The following PTPRD variants were observed in gnomAD, a reference collection of about 807,000 sequenced individuals.
PTPRD encodes receptor-type tyrosine-protein phosphatase delta.
In PTPRD, 34 loss-of-function variants were observed where a neutral mutation model predicts 214.5. The observed-to-expected ratio is 0.16, with a 90% CI of 0.12 to 0.21. PTPRD has a LOEUF of 0.21. PTPRD is among the 10% of genes least tolerant of loss of function. The pLI is 1.00. For missense variants in PTPRD, 2,545 were observed against 2,398.7 expected (o/e 1.06, Z -1.27); for synonymous variants, 1,128 against 845.7 (o/e 1.33, Z -5.79).
chr9:8,994,905 G>A (rs973191598), intron 11 of PTPRD, among the ~76,000 whole-genome samples: 1 of 152,032 alleles, frequency 6.6e-6, no homozygotes, highest in African/African-American at 2.4e-5. Flanking sequence ...AAGCTAAAGG[G>A]AACTTTGCAG....
intron 7 of PTPRD, among the ~76,000 whole-genome samples, chr9:9,703,580 C>A (rs569748119): frequency 6.6e-6 from 1 of 152,150 alleles, no homozygotes; most frequent in East Asian, 1.9e-4. Context: ...TTTTGAGAAA[C>A]ATTGATGCAT....
intron 9 of PTPRD, among the ~76,000 whole-genome samples, chr9:9,230,845 A>G (rs2099962674): frequency 6.6e-6 from 1 of 152,194 alleles, no homozygotes; most frequent in Non-Finnish European, 1.5e-5. Flanking sequence ...GCCTGAGATT[A>G]CTATCTTTTG....
chr9:9,536,619 C>T (rs1167932606), intron 8 of PTPRD, among the ~76,000 whole-genome samples: 1 of 151,976 alleles, frequency 6.6e-6, no homozygotes, highest in African/African-American at 2.4e-5. Flanking sequence ...ACGTCCACAG[C>T]CTGAAAGCTT....
intron 7 of PTPRD, among the ~76,000 whole-genome samples, chr9:9,702,068 C>T (rs1272868839): frequency 1.3e-5 from 2 of 151,732 alleles, no homozygotes; most frequent in African/African-American, 4.8e-5. Flanking sequence ...TGCAGTGAGC[C>T]GAGATTGTGC....
chr9:8,885,041 C>T (rs546932855), intron 11 of PTPRD, among the ~76,000 whole-genome samples: 1 of 152,218 alleles, frequency 6.6e-6, no homozygotes, highest in Admixed American at 6.5e-5. Context: ...ATTAGCATGA[C>T]TATGATAGTG....
rs544333505 is a variant in PTPRD at position 10,508,272 on chromosome 9, C to T, written c.-600+104126G>A. 4.6e-5 allele frequency among the ~76,000 whole-genome samples: 7 copies of T among 152,090 alleles called. No homozygotes were observed. In the East Asian group the frequency reaches 5.8e-4, roughly 13 times the overall value. ...TACCATCTCACACCAGTTAGAATGG[C>T]GATCATTAAAAAGTCAGGAAACAAC... On this transcript the variant is annotated intron_variant, in intron 2 of 45. Transcript: ENST00000381196.
At chr9:10,238,684 A>G (rs542567641) in intron 3 of PTPRD, among the ~76,000 whole-genome samples, 1 of 152,140 alleles carries the variant, frequency 6.6e-6, no homozygotes, top group African/African-American at 2.4e-5. Flanking sequence ...TGAAAATCCT[A>G]TCTAAAAATT....
chr9:8,622,657 C>A (rs1252199713), intron 14 of PTPRD, among the ~76,000 whole-genome samples: 1 of 151,828 alleles, frequency 6.6e-6, no homozygotes, highest in Non-Finnish European at 1.5e-5. Context: ...CTAGAGAGAG[C>A]TAGATTATCA....
At chr9:10,058,377 A>G (rs1395963339) in intron 3 of PTPRD, among the ~76,000 whole-genome samples, 1 of 152,120 alleles carries the variant, frequency 6.6e-6, no homozygotes, top group East Asian at 1.9e-4. Flanking sequence ...CTTGGTAAAC[A>G]ACTCAAGAAT....
chr9:8,969,770 A>C (rs1480922091), intron 11 of PTPRD, among the ~76,000 whole-genome samples: 1 of 151,982 alleles, frequency 6.6e-6, no homozygotes, highest in Non-Finnish European at 1.5e-5. Context: ...ATGATCTCAT[A>C]CCTTTGCCCC....
rs893357056 is a variant in PTPRD, at chr9:9,396,680, C to A, written c.-203+769G>T. ...GAAGGGGGAGGATGCTATACAAAGA[C>A]ACTCTTTCATAACATTTTCCTTATC... On this transcript the variant is annotated intron_variant, in intron 9 of 45. Coordinates refer to ENST00000381196, the MANE Select transcript of PTPRD (RefSeq NM_002839.4). 2.6e-5 allele frequency among the ~76,000 whole-genome samples: 4 copies of A among 151,962 alleles called. No individual in the cohort carries two copies. The East Asian group carries it at 7.7e-4, about 29-fold the overall frequency.
intron 11 of PTPRD, among the ~76,000 whole-genome samples, chr9:8,832,234 A>T (rs546842172): frequency 6.6e-6 from 1 of 152,144 alleles, no homozygotes; most frequent in Admixed American, 6.6e-5. Context: ...GCATTGATCC[A>T]GTAATCCCCA....
At chr9:9,905,640 C>T (rs1472483175) in intron 5 of PTPRD, among the ~76,000 whole-genome samples, 6 of 151,832 alleles carry the variant, frequency 4.0e-5, no homozygotes, top group Non-Finnish European at 8.8e-5. Context: ...TGCTATAAAA[C>T]TCAGCACAAA....
rs1427485979 is a variant in PTPRD at position 10,601,585 on chromosome 9, T to C, written c.-600+10813A>G. ...TGATTATATTAAATATCTAGAATAGTGACTACAAAACAAAAACTTTGGACC... is the reference window on the plus strand; with the variant it reads ...TGATTATATTAAATATCTAGAATAGCGACTACAAAACAAAAACTTTGGACC... On this transcript the variant is annotated intron_variant, in intron 2 of 45. Coordinates refer to ENST00000381196, the MANE Select transcript of PTPRD (RefSeq NM_002839.4). Among the ~76,000 whole-genome samples the C allele has an allele frequency of 4.0e-5, 6 of 151,890 alleles. No homozygotes were observed. The East Asian group carries it at 5.8e-4, about 15-fold the overall frequency.
chr9:10,042,624 G>C (rs543687821), intron 3 of PTPRD, among the ~76,000 whole-genome samples: 2 of 152,012 alleles, frequency 1.3e-5, no homozygotes, highest in Admixed American at 1.3e-4. Context: ...AACTGACAGA[G>C]ATGATGCTGA....
intron 11 of PTPRD, among the ~76,000 whole-genome samples, chr9:8,971,671 C>T (rs190304116): frequency 2.6e-5 from 4 of 151,250 alleles, no homozygotes; most frequent in African/African-American, 9.7e-5. Flanking sequence ...TCCTATCTAA[C>T]GAGATGACAG....
intron 14 of PTPRD, among the ~76,000 whole-genome samples, chr9:8,568,202 G>C (rs190685609): frequency 1.3e-5 from 2 of 152,138 alleles, no homozygotes; most frequent in Non-Finnish European, 2.9e-5. Context: ...ACATTGCAGA[G>C]ATGCTAAGTT....
At chr9:10,432,202 C>T (rs555944331) in intron 2 of PTPRD, among the ~76,000 whole-genome samples, 104 of 146,712 alleles carry the variant, frequency 7.1e-4, no homozygotes, top group Middle Eastern at 7.1e-3. Flanking sequence ...AACCAAACAC[C>T]GCATATTCTC....
chr9:10,539,263 C>T (rs2135187735), intron 2 of PTPRD, among the ~76,000 whole-genome samples: 1 of 152,300 alleles, frequency 6.6e-6, no homozygotes, highest in Non-Finnish European at 1.5e-5. Context: ...CAGCTCACTG[C>T]AACCACTGTC....
Sources: allele counts gnomAD v4.1 joint callset (sites outside exome capture counted in the v4.1 genomes callset), GRCh38; gene constraint gnomAD v4.1.1; transcripts MANE v1.5; gene names NCBI Gene and HGNC (gene_info 2026-07-23, HGNC 2026-07-21).